Variants in RPL12 observed in about 807,000 individuals in gnomAD.
RPL12 encodes the protein large ribosomal subunit protein uL11.
A neutral mutation model predicts 24.5 loss-of-function variants in RPL12; 10 were observed. The observed-to-expected ratio is 0.41, with a 90% CI of 0.25 to 0.69. The LOEUF (loss-of-function observed/expected upper bound fraction) is 0.69, where lower values mean the gene tolerates loss of function less well. RPL12 is among the 30% of genes least tolerant of loss of function. RPL12 has a pLI of 0.33. For synonymous variants in RPL12, 74 were observed against 76.1 expected, an observed-to-expected ratio of 0.97 and a Z score of 0.14; for missense variants, 137 against 205.3, an observed-to-expected ratio of 0.67 and a Z score of 2.03.
intron 1 of RPL12, 94 bp downstream of exon 1, chr9:127,451,187 G>A (rs968043031): frequency 2.1e-5 from 31 of 1,512,002 alleles, no homozygotes; most frequent in Non-Finnish European, 2.7e-5. Flanking sequence ...GGGAGGCAGC[G>A]GCTTTAAGAG....
At chr9:127,447,818 G>A (rs372212965) in intron 6 of RPL12, 59 bp downstream of exon 6, 2 of 1,611,998 alleles carry the variant, frequency 1.2e-6, no homozygotes, top group African/African-American at 1.3e-5. Flanking sequence ...GCTTATCTCT[G>A]TGAATACACT....
intron 3 of RPL12, 48 bp from the exon 4 acceptor site, chr9:127,449,410 C>T: frequency 6.5e-7 from 1 of 1,534,004 alleles, no homozygotes; most frequent in Non-Finnish European, 9.0e-7. Context: ...GTGAATACTG[C>T]CATGCACGCT....
chr9:127,448,724 C>A, intron 4 of RPL12: 1 of 550,104 alleles, frequency 1.8e-6, no homozygotes. Flanking sequence ...GTTAAACTGC[C>A]CAGTACCTGC....
At chr9:127,450,842 GC>G in intron 1 of RPL12, 38 bp from the exon 2 acceptor site, 1 of 1,438,500 alleles carries the variant, frequency 7.0e-7, no homozygotes, top group South Asian at 1.2e-5. Context: ...TGCAGAGGGA[GC>G]CCCGAGCCAC....
intron 1 of RPL12, 185 bp from the exon 2 acceptor site, chr9:127,450,989 G>C: frequency 1.6e-6 from 1 of 643,538 alleles, no homozygotes; most frequent in South Asian, 2.1e-5. Context: ...GAGGCGTGGA[G>C]AGAGCCCCGT....
chr9:127,451,309 C>T lies in RPL12; in HGVS notation c.9G>A (p.Pro3=), dbSNP rs369070033. 42 of 1,612,846 alleles carry T rather than the reference C, an allele frequency of 2.6e-5. 1 individual carries two copies. In the Admixed American group the frequency reaches 6.7e-4, roughly 26 times the overall value. The stretch of plus-strand genomic sequence containing the variant: ...CTTTGATCTCGTTGGGGTCGAACTT[C>T]GGCGGCATGGTGGAGGCGGCTGGTG... MP[P]KFDPNEIKVV... The change falls in exon 1 of 7, where the codon CCG becomes CCA. Residue 3 remains proline (P), a synonymous_variant. Transcript: ENST00000361436.
At chr9:127,450,575 C>T (rs943638634) in intron 2 of RPL12, 156 bp downstream of exon 2, 2 of 566,128 alleles carry the variant, frequency 3.5e-6, no homozygotes, top group Non-Finnish European at 6.2e-6. Flanking sequence ...TCACACACGA[C>T]CTTCCTAAGG....
chr9:127,450,861 T>C, intron 1 of RPL12, 57 bp from the exon 2 acceptor site: 2 of 1,323,318 alleles, frequency 1.5e-6, no homozygotes, highest in Non-Finnish European at 1.0e-6. Flanking sequence ...CACAGCCCTC[T>C]CAGCGTCTTT....
At chr9:127,450,624 T>A in intron 2 of RPL12, 107 bp downstream of exon 2, 1 of 790,158 alleles carries the variant, frequency 1.3e-6, no homozygotes, top group Non-Finnish European at 2.0e-6. Flanking sequence ...CTACTGAGGG[T>A]GACAGTCCAA....
intron 4 of RPL12, 80 bp from the exon 5 acceptor site, chr9:127,448,503 C>G (rs763444755): frequency 2.1e-6 from 2 of 954,914 alleles, no homozygotes; most frequent in South Asian, 2.6e-5. Flanking sequence ...CATTTCTAGG[C>G]TGTTCCCATG....
At chr9:127,450,671 G>A (rs868789024) in intron 2 of RPL12, 60 bp downstream of exon 2, 8 of 1,326,428 alleles carry the variant, frequency 6.0e-6, no homozygotes, top group Middle Eastern at 3.6e-4. Context: ...GTGACTCCAC[G>A]AGCCGGCGCT....
At position 127,447,691 on chromosome 9, in the gene RPL12, G is replaced by T; in HGVS notation, c.*30C>A. On this transcript the variant is annotated 3_prime_UTR_variant, in exon 7 of 7. Coordinates refer to ENST00000361436, the MANE Select transcript of RPL12 (RefSeq NM_000976.4). ...CCAGAAAATCCACCAGTTGTCAAAT[G>T]ATCCTTTATTGAAATGTTTTCCTTT... The T allele has an allele frequency of 6.2e-7, 1 of 1,612,870 alleles. No individual in the cohort carries two copies. The highest frequency in any genetic ancestry group is 8.5e-7 in the Non-Finnish European group (1 of 1,179,558).
At chr9:127,448,822 C>T (rs1195124205) in intron 4 of RPL12, among the ~76,000 whole-genome samples, 1 of 146,628 alleles carries the variant, frequency 6.8e-6, no homozygotes, top group Non-Finnish European at 1.5e-5. Context: ...CACACAGGGA[C>T]TACATGGCAC....
At chr9:127,449,436 T>G (rs1834229303) in intron 3 of RPL12, 74 bp from the exon 4 acceptor site, 1 of 1,437,440 alleles carries the variant, frequency 7.0e-7, no homozygotes, top group African/African-American at 1.4e-5. Context: ...TCAAAAATCA[T>G]GGCCACACAC....
chr9:127,450,140 G>A (rs989670936), intron 2 of RPL12: 5 of 185,512 alleles, frequency 2.7e-5, no homozygotes, highest in East Asian at 2.9e-4. Flanking sequence ...GCCAGCTAAC[G>A]GCCAAGGAAG....
At chr9:127,449,491 C>A in intron 3 of RPL12, 119 bp downstream of exon 3, 1 of 1,297,922 alleles carries the variant, frequency 7.7e-7, no homozygotes, top group East Asian at 2.4e-5. Flanking sequence ...CAAAGCCTCC[C>A]CAACAAGGTG....
chr9:127,448,252 G>T, intron 5 of RPL12, 85 bp downstream of exon 5: 1 of 1,188,904 alleles, frequency 8.4e-7, no homozygotes, highest in Non-Finnish European at 1.3e-6. Flanking sequence ...GGGTCTCACT[G>T]AGCACCCTTC....
rs137987304 is a variant in RPL12, at chr9:127,450,699, G to GA, written c.111+31dup. The stretch of plus-strand genomic sequence containing the variant: ...CCGGCGCTTAAAGTGAAACAAATGT[G>GA]AAAAAAATGCCCCTTGGAGGGGATA... On this transcript the variant is annotated intron_variant, in intron 2 of 6. Coordinates refer to ENST00000361436, the MANE Select transcript of RPL12 (RefSeq NM_000976.4). 193 of 1,505,648 alleles carry GA rather than the reference G, an allele frequency of 1.3e-4. 1 individual carries two copies. Among genetic ancestry groups the GA allele is most frequent in the Middle Eastern group, 1.7e-4 (1 of 5,868 alleles). 93.3% of individuals were successfully genotyped at this position (1,505,648 alleles called of 1,614,324 possible). A position where few individuals can be genotyped will look rare whatever the true frequency, so the allele number is the denominator to read the frequency against.
chr9:127,450,770 G>A lies in RPL12; in HGVS notation c.72C>T (p.Ala24=). 4.4e-6 allele frequency: 7 copies of A among 1,586,310 alleles called. No individual in the cohort carries two copies. The highest frequency in any genetic ancestry group is 6.0e-6 in the Non-Finnish European group (7 of 1,167,742). Residue 24 remains alanine, a synonymous_variant, in exon 2 of 7, where the codon GCC becomes GCT. Transcript: ENST00000361436. ...CGATCTTGGGGGCCAGGGCAGAAGTGGCACCGACTTCACCTCCGGTGCACC... is the reference window on the plus strand; with the variant it reads ...CGATCTTGGGGGCCAGGGCAGAAGTAGCACCGACTTCACCTCCGGTGCACC... ...YLRCTGGEVG[A]TSALAPKIGP...
Sources: allele counts gnomAD v4.1 joint callset (sites outside exome capture counted in the v4.1 genomes callset), GRCh38; gene constraint gnomAD v4.1.1; transcripts MANE v1.5; gene names NCBI Gene and HGNC (gene_info 2026-07-23, HGNC 2026-07-21).